EXOC1: variants seen among roughly 807,000 people sequenced by gnomAD.
EXOC1 encodes the protein SEC3-like 1.
In EXOC1, 67 loss-of-function variants were observed where a neutral mutation model predicts 107.7. The ratio of observed to expected loss-of-function variants is 0.62; its 90% CI spans 0.51 to 0.76. EXOC1 has a LOEUF of 0.76. EXOC1 is among the 30% of genes least tolerant of loss of function. The probability of loss-of-function intolerance (pLI) is 0.00; values close to 1 mark genes in which losing one functional copy is unlikely to be tolerated. For missense variants in EXOC1, 833 were observed against 1,055.7 expected (o/e 0.79, Z 2.92); for synonymous variants, 348 against 353.5 (o/e 0.98, Z 0.17).
chr4:55,893,982 A>G (rs1298797262), intron 15 of EXOC1, among the ~76,000 whole-genome samples: 1 of 152,136 alleles, frequency 6.6e-6, no homozygotes, highest in Admixed American at 6.6e-5. Flanking sequence ...CACACTGTGA[A>G]TCTTGGCAAG....
At position 55,904,410 on chromosome 4, in the gene EXOC1, G is replaced by A; in HGVS notation, c.2600G>A (p.Arg867His). The change falls in exon 19 of 19, where the codon CGC (arginine) becomes CAC (histidine). Residue 867 changes from arginine to histidine, a missense_variant. By Grantham distance (29) the Arg-to-His change is conservative. Transcript: ENST00000381295. ...AAGCACTTTGAAGGTTTGATAGCTCGCTGTTATCCTGGATCTGGTGTTACA... is the reference window on the plus strand; with the variant it reads ...AAGCACTTTGAAGGTTTGATAGCTCACTGTTATCCTGGATCTGGTGTTACA... ...QYKHFEGLIA[R>H]CYPGSGVTME... 1.2e-6 allele frequency: 2 copies of A among 1,612,324 alleles called. No homozygotes were observed. The highest frequency in any genetic ancestry group is 8.5e-7 in the Non-Finnish European group (1 of 1,179,552).
chr4:55,871,820 A>C (rs1722468707), intron 7 of EXOC1, 29 bp from the exon 8 acceptor site: 1 of 1,597,538 alleles, frequency 6.3e-7, no homozygotes, highest in African/African-American at 1.3e-5. Flanking sequence ...TACCCATTAA[A>C]CTGGTCACAA....
chr4:55,862,227 C>T (rs916532244), intron 3 of EXOC1, among the ~76,000 whole-genome samples: 1 of 152,082 alleles, frequency 6.6e-6, no homozygotes, highest in Middle Eastern at 3.2e-3. Context: ...ACTTCGTAAC[C>T]CTGTTGACTT....
intron 17 of EXOC1, among the ~76,000 whole-genome samples, chr4:55,901,579 C>T (rs1043759206): frequency 7.2e-5 from 11 of 152,084 alleles, no homozygotes; most frequent in African/African-American, 2.7e-4. Context: ...ACTAAGACCC[C>T]AATTTATAAA....
intron 2 of EXOC1, among the ~76,000 whole-genome samples, chr4:55,859,973 A>G (rs1721323949): frequency 6.6e-6 from 1 of 152,212 alleles, no homozygotes; most frequent in South Asian, 2.1e-4. Flanking sequence ...TAATTCCAGC[A>G]CTTAGGGAAG....
At chr4:55,884,300 A>T (rs1200463492) in intron 10 of EXOC1, among the ~76,000 whole-genome samples, 1 of 152,190 alleles carries the variant, frequency 6.6e-6, no homozygotes. Context: ...TTTTTATAAC[A>T]GTTGGGGGCA....
intron 8 of EXOC1, among the ~76,000 whole-genome samples, chr4:55,873,412 A>G (rs1195856407): frequency 2.0e-5 from 3 of 152,172 alleles, no homozygotes; most frequent in Admixed American, 6.6e-5. Context: ...ACTTACTTCA[A>G]TAACATCTAT....
At chr4:55,902,061 C>A in intron 17 of EXOC1, 1 of 198,408 alleles carries the variant, frequency 5.0e-6, no homozygotes, top group Non-Finnish European at 1.0e-5. Context: ...TATTATGCAG[C>A]CATTAAAATT....
intron 9 of EXOC1, 150 bp from the exon 10 acceptor site, chr4:55,883,673 C>A: frequency 2.0e-6 from 1 of 488,404 alleles, no homozygotes; most frequent in South Asian, 4.1e-5. Context: ...TTTTTTAAGA[C>A]AGAAAGTAAC....
chr4:55,901,693 A>G (rs1560368282), intron 17 of EXOC1, among the ~76,000 whole-genome samples: 2 of 152,142 alleles, frequency 1.3e-5, no homozygotes, highest in South Asian at 4.1e-4. Flanking sequence ...TACTCTGGCA[A>G]CTATTGTTAT....
intron 15 of EXOC1, among the ~76,000 whole-genome samples, chr4:55,896,025 C>A (rs1172471477): frequency 2.0e-5 from 3 of 152,210 alleles, no homozygotes; most frequent in African/African-American, 7.2e-5. Context: ...GCTCTGGAAT[C>A]TTCTCTCCTG....
chr4:55,888,995 AGTTGTCTTG>A, intron 11 of EXOC1, 63 bp downstream of exon 11: 1 of 1,570,646 alleles, frequency 6.4e-7, no homozygotes. Context: ...TCTAGAAATT[AGTTGTCTTG>A]AAAAAAGGTA....
At chr4:55,865,104 A>C (rs1721836209) in intron 4 of EXOC1, among the ~76,000 whole-genome samples, 1 of 152,240 alleles carries the variant, frequency 6.6e-6, no homozygotes, top group Non-Finnish European at 1.5e-5. Flanking sequence ...TAGTAAGAAC[A>C]GTGCCAGGTA....
intron 1 of EXOC1, among the ~76,000 whole-genome samples, chr4:55,858,104 T>C (rs148643984): frequency 6.6e-6 from 1 of 152,336 alleles, no homozygotes; most frequent in East Asian, 1.9e-4. Context: ...TTGGTGAGCA[T>C]TTCCAAACAT....
At chr4:55,866,492 C>T (rs984287612) in intron 4 of EXOC1, among the ~76,000 whole-genome samples, 2 of 152,056 alleles carry the variant, frequency 1.3e-5, no homozygotes, top group African/African-American at 4.8e-5. Flanking sequence ...CTGGGTAAAG[C>T]TTTTGGGCCT....
chr4:55,853,743 G>T lies in EXOC1; in HGVS notation c.-221G>T, dbSNP rs1443749941. On this transcript the variant is annotated 5_prime_UTR_variant, in exon 1 of 19. Coordinates refer to ENST00000381295, the MANE Select transcript of EXOC1 (RefSeq NM_001024924.2). ...GGGCGTATCCTAGTGGCCCCCATCC[G>T]GTCTCCGTTTTGGAAGACCCGCCTC... is the stretch of plus-strand genomic sequence containing the variant. The T allele has an allele frequency of 6.6e-6, 1 of 152,274 alleles. No individual in the cohort carries two copies. Among genetic ancestry groups the T allele is most frequent in the Non-Finnish European group, 1.5e-5 (1 of 68,080 alleles). 9.4% of individuals were successfully genotyped at this position (152,274 alleles called of 1,614,324 possible). A position where few individuals can be genotyped will look rare whatever the true frequency, so the allele number is the denominator to read the frequency against.
rs941388381 is a variant in EXOC1, at chr4:55,891,198, A to G, written c.1540-117A>G. The G allele has an allele frequency of 1.7e-5, 11 of 648,760 alleles. No homozygotes were observed. In the East Asian group the frequency reaches 2.7e-4, roughly 16 times the overall value. The allele number at this position is 648,760 out of a possible 1,614,324, so 40.2% of individuals were successfully genotyped here. A position where few individuals can be genotyped will look rare whatever the true frequency, so the allele number is the denominator to read the frequency against. ...GGGATTCCATTGAGATTATAAATTC[A>G]TAGATTAGTGAGATTATGGATCCAT... On this transcript the variant is annotated intron_variant, in intron 12 of 18. Transcript: ENST00000381295.
intron 9 of EXOC1, chr4:55,883,290 G>T (rs2109427857): frequency 6.6e-6 from 1 of 152,214 alleles, no homozygotes; most frequent in East Asian, 1.9e-4. Flanking sequence ...TAGAGGAAGA[G>T]CAATTAAGAT....
intron 4 of EXOC1, among the ~76,000 whole-genome samples, chr4:55,867,166 C>G (rs977666744): frequency 6.6e-6 from 1 of 152,136 alleles, no homozygotes; most frequent in Non-Finnish European, 1.5e-5. Context: ...GTCCCTGCCC[C>G]CTAGTGGCTA....
Sources: allele counts gnomAD v4.1 joint callset (sites outside exome capture counted in the v4.1 genomes callset), GRCh38; gene constraint gnomAD v4.1.1; transcripts MANE v1.5; gene names NCBI Gene and HGNC (gene_info 2026-07-23, HGNC 2026-07-21).